PTBP2: variants seen among roughly 807,000 people sequenced by gnomAD.
PTBP2 encodes polypyrimidine tract-binding protein 2.
A neutral mutation model predicts 61.4 loss-of-function variants in PTBP2; 13 were observed. That is an observed-to-expected ratio of 0.21 (90% CI 0.14 to 0.34). The LOEUF is 0.34. Among genes scored for constraint, PTBP2 ranks in the 10% least tolerant of loss-of-function variants. The pLI is 1.00. For synonymous variants in PTBP2, 215 were observed against 218.5 expected, an observed-to-expected ratio of 0.98 and a Z score of 0.14; for missense variants, 405 against 642.6, an observed-to-expected ratio of 0.63 and a Z score of 4.00.
At chr1:96,723,691 A>G (rs1649965029) in intron 2 of PTBP2, 97 bp downstream of exon 2, 6 of 1,047,680 alleles carry the variant, frequency 5.7e-6, no homozygotes, top group Non-Finnish European at 7.0e-6. Context: ...TAACGTAGCT[A>G]ACAAAACCCA....
At chr1:96,778,319 T>G (rs1284374784) in intron 7 of PTBP2, among the ~76,000 whole-genome samples, 3 of 151,992 alleles carry the variant, frequency 2.0e-5, no homozygotes, top group African/African-American at 7.2e-5. Context: ...GGCTGAAATA[T>G]ACAGATGTGG....
chr1:96,818,462 C>T (rs367719533), downstream of PTBP2: 2 of 152,002 alleles, frequency 1.3e-5, no homozygotes, highest in African/African-American at 4.8e-5. Context: ...GTCATAGTTG[C>T]TTTCTCTAAT....
Position 96,799,294 on chromosome 1 carries a change from CTTT to C in PTBP2, c.905-5489_905-5487del, listed in dbSNP as rs373815292. ...ATAGCAATCCTCAGAATAGATCAAG[CTTT>C]TTTTTTTTTTTTTTTTGAGATGGAG... On this transcript the variant is annotated intron_variant, in intron 8 of 13. Coordinates refer to ENST00000674951, the MANE Select transcript of PTBP2 (RefSeq NM_021190.4). Among the ~76,000 whole-genome samples the C allele has an allele frequency of 2.9e-3, 263 of 92,164 alleles. 7 individuals are homozygous for C. The highest frequency in any genetic ancestry group is 0.012 in the African/African-American group (241 of 20,656). The allele number at this position is 92,164 out of a possible 152,430, so 60.5% of individuals were successfully genotyped here.
intron 2 of PTBP2, among the ~76,000 whole-genome samples, chr1:96,727,674 T>C (rs1650771727): frequency 6.6e-6 from 1 of 152,224 alleles, no homozygotes; most frequent in Non-Finnish European, 1.5e-5. Flanking sequence ...GTGTGCTTTT[T>C]GTCAGCTGTT....
chr1:96,746,897 CCCTCCCTCCCTCCCTCCCTTCCTTCCTT>C (rs1653893422), intron 2 of PTBP2, among the ~76,000 whole-genome samples: 1 of 59,136 alleles, frequency 1.7e-5, no homozygotes, highest in Admixed American at 1.9e-4. Context: ...CTCCCTCCCT[CCCTCCCTCCCTCCCTCCCTTCCTTCCTT>C]CCTTCCTTCC....
chr1:96,805,126 G>C (rs192980755), intron 9 of PTBP2, among the ~76,000 whole-genome samples, 187 bp downstream of exon 9: 2 of 152,110 alleles, frequency 1.3e-5, no homozygotes, highest in Admixed American at 1.3e-4. Flanking sequence ...TCCTTAAACA[G>C]TCATGTCTCT....
intron 8 of PTBP2, among the ~76,000 whole-genome samples, chr1:96,793,216 T>A (rs1660030998): frequency 6.6e-6 from 1 of 152,178 alleles, no homozygotes; most frequent in Non-Finnish European, 1.5e-5. Context: ...AATTTTAAAT[T>A]ATGTTGACTT....
At chr1:96,760,481 C>G (rs1441187758) in intron 3 of PTBP2, among the ~76,000 whole-genome samples, 1 of 119,000 alleles carries the variant, frequency 8.4e-6, no homozygotes, top group Non-Finnish European at 1.6e-5. Context: ...GAGTCTTGCT[C>G]TGTCACCAGG....
At chr1:96,765,847 T>C (rs1001206572) in intron 3 of PTBP2, among the ~76,000 whole-genome samples, 2 of 152,126 alleles carry the variant, frequency 1.3e-5, no homozygotes, top group Non-Finnish European at 2.9e-5. Flanking sequence ...TTTTGGGGAA[T>C]GAATGAGTAA....
chr1:96,763,449 G>A (rs1044220145), intron 3 of PTBP2, among the ~76,000 whole-genome samples: 2 of 151,408 alleles, frequency 1.3e-5, no homozygotes, highest in African/African-American at 4.8e-5. Context: ...GTGGCGGCGC[G>A]TGCCTGCAAT....
intron 7 of PTBP2, among the ~76,000 whole-genome samples, chr1:96,779,981 G>A (rs1329420203): frequency 6.6e-6 from 1 of 151,922 alleles, no homozygotes; most frequent in Non-Finnish European, 1.5e-5. Context: ...CAGTTTTTCT[G>A]TTTTTCACAA....
intron 11 of PTBP2, among the ~76,000 whole-genome samples, chr1:96,807,818 G>T (rs1479978733): frequency 6.6e-6 from 1 of 152,190 alleles, no homozygotes; most frequent in Non-Finnish European, 1.5e-5. Flanking sequence ...TAGCAACTCA[G>T]ATGAGGTATA....
At chr1:96,809,970 A>G (rs1299511064) in intron 11 of PTBP2, among the ~76,000 whole-genome samples, 1 of 152,134 alleles carries the variant, frequency 6.6e-6, no homozygotes, top group East Asian at 1.9e-4. Flanking sequence ...AGACTAAAAA[A>G]ATAGACAAAC....
chr1:96,812,470 G>A (rs1384653957), intron 11 of PTBP2, among the ~76,000 whole-genome samples: 2 of 152,148 alleles, frequency 1.3e-5, no homozygotes, highest in Non-Finnish European at 2.9e-5. Flanking sequence ...CAGGATTGTT[G>A]AGGAAGATAG....
intron 7 of PTBP2, among the ~76,000 whole-genome samples, chr1:96,780,639 CTA>C (rs1658551234): frequency 6.6e-6 from 1 of 152,028 alleles, no homozygotes; most frequent in African/African-American, 2.4e-5. Flanking sequence ...TCCTACCTCT[CTA>C]TTTCTTCCTT....
At chr1:96,748,122 A>G (rs1654081199) in intron 2 of PTBP2, among the ~76,000 whole-genome samples, 1 of 152,046 alleles carries the variant, frequency 6.6e-6, no homozygotes, top group Middle Eastern at 3.4e-3. Flanking sequence ...GGAACTTAAT[A>G]TTTGTGTCCT....
intron 2 of PTBP2, among the ~76,000 whole-genome samples, chr1:96,725,976 G>C (rs899539152): frequency 6.8e-5 from 10 of 147,532 alleles, no homozygotes; most frequent in Admixed American, 2.7e-4. Flanking sequence ...TCGGGAGGCT[G>C]AGGCAGGAGA....
intron 3 of PTBP2, among the ~76,000 whole-genome samples, chr1:96,768,168 G>A (rs191945305): frequency 4.6e-5 from 7 of 152,066 alleles, no homozygotes; most frequent in Admixed American, 1.3e-4. Context: ...AGCATATACC[G>A]TAGAAAGTAT....
chr1:96,789,003 C>A (rs1245627704), intron 8 of PTBP2, among the ~76,000 whole-genome samples: 1 of 152,100 alleles, frequency 6.6e-6, no homozygotes, highest in African/African-American at 2.4e-5. Context: ...ACACAGTGAT[C>A]AAAAATCCTT....
Sources: allele counts gnomAD v4.1 joint callset (sites outside exome capture counted in the v4.1 genomes callset), GRCh38; gene constraint gnomAD v4.1.1; transcripts MANE v1.5; gene names NCBI Gene and HGNC (gene_info 2026-07-23, HGNC 2026-07-21).